Variants in VDR observed in about 807,000 individuals in gnomAD.
VDR encodes vitamin D3 receptor.
VDR carries 19 observed loss-of-function variants against 39.7 expected under a neutral mutation model. The observed-to-expected ratio is 0.48, with a 90% CI of 0.33 to 0.70. The LOEUF is 0.70. VDR is among the 30% of genes least tolerant of loss of function. The pLI is 0.02. For missense variants in VDR, 442 were observed against 570.5 expected (o/e 0.77, Z 2.29); for synonymous variants, 242 against 215.8 (o/e 1.12, Z -1.07).
At chr12:47,890,171 G>A (rs1354715730) in intron 1 of VDR, among the ~76,000 whole-genome samples, 3 of 151,756 alleles carry the variant, frequency 2.0e-5, no homozygotes, top group African/African-American at 4.8e-5. Context: ...AAGGCGGGGA[G>A]GGATTCTAAA....
chr12:47,866,134 G>A (rs1238470042), intron 3 of VDR, among the ~76,000 whole-genome samples: 2 of 150,642 alleles, frequency 1.3e-5, no homozygotes, highest in Admixed American at 6.6e-5. Context: ...TTGAGATGGA[G>A]TCTCGCTCTG....
In VDR at chr12:47,882,730, G is replaced by A. The variant is rs1197664746; in HGVS notation, c.-39C>T. The A allele has an allele frequency of 6.5e-7, 1 of 1,533,382 alleles. No individual in the cohort carries two copies. Among genetic ancestry groups the A allele is most frequent in the Non-Finnish European group, 8.7e-7 (1 of 1,145,896 alleles). The allele number at this position is 1,533,382 out of a possible 1,614,324, so 95.0% of individuals were successfully genotyped here. A position where few individuals can be genotyped will look rare whatever the true frequency, so the allele number is the denominator to read the frequency against. Reference sequence around the variant, plus strand: ...GGGGGCAGGTAAGTGGAGCCCAGGGGTGCTCTTCTGTGAGGTCTCACAGAC... The same window carrying A: ...GGGGGCAGGTAAGTGGAGCCCAGGGATGCTCTTCTGTGAGGTCTCACAGAC... On this transcript the variant is annotated 5_prime_UTR_variant, in exon 2 of 10. Coordinates refer to ENST00000549336, the MANE Select transcript of VDR (RefSeq NM_000376.3).
At chr12:47,885,850 G>A (rs12721401) in intron 1 of VDR, among the ~76,000 whole-genome samples, 7,057 of 152,196 alleles carry the variant, frequency 0.046, 219 homozygotes, top group Non-Finnish European at 0.074. Flanking sequence ...TGTGAGCCAC[G>A]CCAGGAAAGA....
chr12:47,885,261 A>C (rs937268600), intron 1 of VDR, among the ~76,000 whole-genome samples: 2 of 152,214 alleles, frequency 1.3e-5, no homozygotes, highest in Non-Finnish European at 2.9e-5. Context: ...CAGGGCCTGC[A>C]TCCCACATCA....
At chr12:47,870,782 A>G (rs1454373937) in intron 3 of VDR, among the ~76,000 whole-genome samples, 1 of 152,204 alleles carries the variant, frequency 6.6e-6, no homozygotes, top group African/African-American at 2.4e-5. Flanking sequence ...TGCTCAGGAT[A>G]CAGGAACTAG....
chr12:47,889,268 C>T (rs1359868984), intron 1 of VDR, among the ~76,000 whole-genome samples: 1 of 152,068 alleles, frequency 6.6e-6, no homozygotes, highest in Non-Finnish European at 1.5e-5. Context: ...TACCCCCAAT[C>T]GCCTGCCTGA....
At chr12:47,858,245 T>A (rs557249768) in intron 4 of VDR, among the ~76,000 whole-genome samples, 1 of 152,176 alleles carries the variant, frequency 6.6e-6, no homozygotes, top group Admixed American at 6.5e-5. Flanking sequence ...CTGAAGAAGA[T>A]ATCAGGGTGA....
At chr12:47,865,688 C>T (rs1345101436) in intron 3 of VDR, among the ~76,000 whole-genome samples, 1 of 149,194 alleles carries the variant, frequency 6.7e-6, no homozygotes, top group Non-Finnish European at 1.5e-5. Context: ...GCTGGGATTA[C>T]AGGTGTGAGC....
In VDR at chr12:47,873,761, G is replaced by A. The variant is rs75981272; in HGVS notation, c.146+5207C>T. On this transcript the variant is annotated intron_variant, in intron 3 of 9. Coordinates refer to ENST00000549336, the MANE Select transcript of VDR (RefSeq NM_000376.3). ...TTCATATATACTATGGTTCTCATCA[G>A]GAATGTACCATCTCTCAATCCAAGC... is the stretch of plus-strand genomic sequence containing the variant. Among the ~76,000 whole-genome samples the A allele has an allele frequency of 5.8e-3, 885 of 152,294 alleles. 10 individuals are homozygous for A. The highest frequency in any genetic ancestry group is 0.02 in the African/African-American group (846 of 41,546).
Position 47,855,817 on chromosome 12 carries a change from G to A in VDR, c.584-16C>T. 1 of 1,613,104 alleles carries A rather than the reference G, an allele frequency of 6.2e-7. No homozygotes were observed. The highest frequency in any genetic ancestry group is 8.5e-7 in the Non-Finnish European group (1 of 1,179,838). ...TCCATCATGTCTGGGAGAGATGAGG[G>A]AAGAGAAGGAGCTATTTAAGGATAC... On this transcript the variant is annotated splice_polypyrimidine_tract_variant and intron_variant, in intron 6 of 9. Transcript: ENST00000549336.
At chr12:47,904,420 A>G (rs1946627700) in intron 1 of VDR, 2 of 522,880 alleles carry the variant, frequency 3.8e-6, no homozygotes, top group Non-Finnish European at 6.1e-6. Context: ...GAAAAAAAAT[A>G]GGGCCAATTA....
In VDR at chr12:47,882,780, A is replaced by G; in HGVS notation, c.-83-6T>C. The G allele has an allele frequency of 6.5e-7, 1 of 1,535,016 alleles. No homozygotes were observed. Among genetic ancestry groups the G allele is most frequent in the East Asian group, 2.4e-5 (1 of 40,912 alleles). On this transcript the variant is annotated splice_region_variant and splice_polypyrimidine_tract_variant and intron_variant, in intron 1 of 9. Coordinates refer to ENST00000549336, the MANE Select transcript of VDR (RefSeq NM_000376.3). Reference sequence around the variant, plus strand: ...CACTTCAGACCCAAAGGCTTCTGAAATGAAGAAGGGGAAACCTTTTATCTA... The same window carrying G: ...CACTTCAGACCCAAAGGCTTCTGAAGTGAAGAAGGGGAAACCTTTTATCTA...
At chr12:47,855,852 GCC>G (rs1449754043) in intron 6 of VDR, 51 bp from the exon 7 acceptor site, 5 of 1,607,790 alleles carry the variant, frequency 3.1e-6, no homozygotes, top group Non-Finnish European at 4.2e-6. Flanking sequence ...CTTGGACCAG[GCC>G]CCCTCCTGCC....
chr12:47,892,872 T>C (rs1425487747), intron 1 of VDR, among the ~76,000 whole-genome samples: 3 of 152,190 alleles, frequency 2.0e-5, no homozygotes, highest in African/African-American at 7.2e-5. Flanking sequence ...CTGTCCCCTC[T>C]CAACCTCTCC....
chr12:47,887,442 C>A (rs2137224496), intron 1 of VDR, among the ~76,000 whole-genome samples: 1 of 151,428 alleles, frequency 6.6e-6, no homozygotes, highest in East Asian at 1.9e-4. Flanking sequence ...TCACTTCCAT[C>A]AGTCAGAAAA....
intron 1 of VDR, chr12:47,900,028 A>C: frequency 2.4e-6 from 2 of 824,886 alleles, no homozygotes; most frequent in Non-Finnish European, 2.9e-6. Flanking sequence ...CAATGGGACA[A>C]TCAGCACATA....
chr12:47,868,810 T>G (rs1301293434), intron 3 of VDR, among the ~76,000 whole-genome samples: 1 of 151,534 alleles, frequency 6.6e-6, no homozygotes, highest in Non-Finnish European at 1.5e-5. Flanking sequence ...TTCGCTCTGG[T>G]CACTGAGGGG....
chr12:47,851,732 T>C (rs535718541), intron 7 of VDR, among the ~76,000 whole-genome samples: 2 of 152,326 alleles, frequency 1.3e-5, no homozygotes, highest in African/African-American at 4.8e-5. Context: ...TCCATACCAG[T>C]GTCCCTGCAA....
intron 7 of VDR, among the ~76,000 whole-genome samples, chr12:47,850,180 A>G (rs4760733): frequency 0.53 from 80,141 of 152,066 alleles, 21,372 homozygotes; most frequent in South Asian, 0.56. Context: ...ATGCAAATAT[A>G]TATATACCCA....
Sources: allele counts gnomAD v4.1 joint callset (sites outside exome capture counted in the v4.1 genomes callset), GRCh38; gene constraint gnomAD v4.1.1; transcripts MANE v1.5; gene names NCBI Gene and HGNC (gene_info 2026-07-23, HGNC 2026-07-21).